MAP3K4: variants seen among roughly 807,000 people sequenced by gnomAD.
MAP3K4 encodes the protein mitogen-activated protein kinase kinase kinase 4, also known as MAP three kinase 1.
A neutral mutation model predicts 185.6 loss-of-function variants in MAP3K4; 67 were observed. The ratio of observed to expected loss-of-function variants is 0.36; its 90% CI spans 0.30 to 0.44. MAP3K4 has a LOEUF of 0.44. Ranked by LOEUF, MAP3K4 falls within the 20% of genes least tolerant of loss-of-function variation. The probability of loss-of-function intolerance (pLI) is 1.00; values close to 1 mark genes in which losing one functional copy is unlikely to be tolerated. For synonymous variants in MAP3K4, 702 were observed against 710.4 expected (o/e 0.99, Z 0.19); for missense variants, 1,551 against 1,995.1 (o/e 0.78, Z 4.24).
At chr6:161,092,230 C>A in intron 13 of MAP3K4, 87 bp downstream of exon 13, 1 of 1,433,928 alleles carries the variant, frequency 7.0e-7, no homozygotes, top group South Asian at 1.3e-5. Flanking sequence ...TCTTTTTGAG[C>A]AGACGACACA....
chr6:161,005,189 G>A (rs1275226445), intron 1 of MAP3K4, among the ~76,000 whole-genome samples: 1 of 150,858 alleles, frequency 6.6e-6, no homozygotes, highest in Non-Finnish European at 1.5e-5. Flanking sequence ...TCCAGGCTGG[G>A]GTGCGGTGGT....
chr6:161,039,264 G>A (rs1239448603), intron 2 of MAP3K4, among the ~76,000 whole-genome samples: 3 of 89,384 alleles, frequency 3.4e-5, no homozygotes, highest in African/African-American at 1.4e-4. Flanking sequence ...CCCTAGCCCC[G>A]AACCCGCAAA....
At chr6:161,035,143 T>C (rs1227392939) in intron 2 of MAP3K4, among the ~76,000 whole-genome samples, 1 of 152,154 alleles carries the variant, frequency 6.6e-6, no homozygotes, top group Non-Finnish European at 1.5e-5. Context: ...GTACCCTACG[T>C]GATGGCCTGG....
At position 161,112,026 on chromosome 6, in the gene MAP3K4, C is replaced by T; in HGVS notation, c.4519+68C>T. ...AGCCTGCTTGGGGCCTGCATGTTCC[C>T]TTCACCTTTGTTTGTCAGTAGAGAT... On this transcript the variant is annotated intron_variant, in intron 24 of 26. Coordinates refer to ENST00000392142, the MANE Select transcript of MAP3K4 (RefSeq NM_005922.4). This position sits in a 1 kb window ranked among gnomAD's most constrained non-coding sequence, Gnocchi z 5.1. 1.3e-6 allele frequency: 2 copies of T among 1,579,780 alleles called. No homozygotes were observed. The highest frequency in any genetic ancestry group is 2.4e-5 in the South Asian group (2 of 85,038).
intron 1 of MAP3K4, among the ~76,000 whole-genome samples, chr6:161,005,584 G>A (rs1250120240): frequency 6.6e-6 from 1 of 152,052 alleles, no homozygotes; most frequent in Non-Finnish European, 1.5e-5. Flanking sequence ...AAGCTGATGT[G>A]ATTATTGAAA....
At position 161,098,244 on chromosome 6, in the gene MAP3K4, A is replaced by G. The variant is rs1252255670; in HGVS notation, c.3525-34A>G. ...ATTTTCAAGTCCGTTCCCTCTTCTCACATGTGTTCCTGAAGCTTTTCTTCT... is the reference window on the plus strand; with the variant it reads ...ATTTTCAAGTCCGTTCCCTCTTCTCGCATGTGTTCCTGAAGCTTTTCTTCT... On this transcript the variant is annotated intron_variant, in intron 16 of 26. Coordinates refer to ENST00000392142, the MANE Select transcript of MAP3K4 (RefSeq NM_005922.4). The surrounding 1 kb of genome is among the most constrained non-coding windows in gnomAD (Gnocchi z 4.4). 2 of 1,589,060 alleles carry G rather than the reference A, an allele frequency of 1.3e-6. No individual in the cohort carries two copies. The highest frequency in any genetic ancestry group is 1.7e-5 in the Admixed American group (1 of 57,960).
Position 161,092,971 on chromosome 6 carries a change from G to A in MAP3K4, c.3270-7G>A, listed in dbSNP as rs748113824. On this transcript the variant is annotated splice_region_variant and splice_polypyrimidine_tract_variant and intron_variant, in intron 13 of 26. Coordinates refer to ENST00000392142, the MANE Select transcript of MAP3K4 (RefSeq NM_005922.4). ...TTATGTGATTACTGAACTTTTTCGT[G>A]TACCAGGTGGGCGACTCAAGGATTT... is the stretch of plus-strand genomic sequence containing the variant. 5 of 1,604,858 alleles carry A rather than the reference G, an allele frequency of 3.1e-6. No individual in the cohort carries two copies. Among genetic ancestry groups the A allele is most frequent in the South Asian group, 1.1e-5 (1 of 90,716 alleles).
Position 161,096,194 on chromosome 6 carries a change from T to C in MAP3K4, c.3428-886T>C, listed in dbSNP as rs1777563265. Among the ~76,000 whole-genome samples the C allele has an allele frequency of 6.6e-6, 1 of 152,198 alleles. No homozygotes were observed. The stretch of plus-strand genomic sequence containing the variant: ...GAACTTCAGATCTCTCCATTTTTAC[T>C]ACTTCTGTCTCTCTTGTTTCCCCTT... On this transcript the variant is annotated intron_variant, in intron 15 of 26. Transcript: ENST00000392142. The surrounding 1 kb of genome is among the most constrained non-coding windows in gnomAD (Gnocchi z 4.9).
intron 19 of MAP3K4, among the ~76,000 whole-genome samples, chr6:161,105,409 A>G (rs76210940): frequency 0.037 from 5,593 of 152,290 alleles, 169 homozygotes; most frequent in Non-Finnish European, 0.051. Flanking sequence ...TCTTTATTTT[A>G]CAGATTAGGT....
chr6:161,020,962 C>T (rs568695851), intron 1 of MAP3K4, among the ~76,000 whole-genome samples: 2 of 152,292 alleles, frequency 1.3e-5, no homozygotes, highest in East Asian at 1.9e-4. Context: ...TTACCAATTA[C>T]GTTCTCCTTA....
At chr6:161,102,046 A>C (rs1020900053) in intron 18 of MAP3K4, 54 bp downstream of exon 18, 4 of 1,415,758 alleles carry the variant, frequency 2.8e-6, no homozygotes, top group African/African-American at 2.8e-5. Context: ...CATTTGTCTC[A>C]GTTCACCAGT....
chr6:161,064,488 G>T lies in MAP3K4; in HGVS notation c.1708-6120G>T, dbSNP rs949629868. 5.3e-5 allele frequency among the ~76,000 whole-genome samples: 8 copies of T among 151,698 alleles called. No homozygotes were observed. Among genetic ancestry groups the T allele is most frequent in the South Asian group, 2.1e-4 (1 of 4,806 alleles). On this transcript the variant is annotated intron_variant, in intron 3 of 26. Transcript: ENST00000392142. The surrounding 1 kb of genome is among the most constrained non-coding windows in gnomAD (Gnocchi z 4.3). ...TTTACATTAAATTCTAGATAATTGG[G>T]TATGTTTCTGTGTTCTGATCTGTTT...
In MAP3K4 at chr6:161,008,434, A is replaced by G. The variant is rs752819849; in HGVS notation, c.152+16351A>G. 4.6e-5 allele frequency among the ~76,000 whole-genome samples: 7 copies of G among 152,174 alleles called. No homozygotes were observed. The highest frequency in any genetic ancestry group is 2.0e-4 in the Admixed American group (3 of 15,282). On this transcript the variant is annotated intron_variant, in intron 1 of 26. Transcript: ENST00000392142. This position sits in a 1 kb window ranked among gnomAD's most constrained non-coding sequence, Gnocchi z 4.1. Reference sequence around the variant, plus strand: ...TATATGTAAAATTATAATCCATTTTATTCTTTACAGAATTTTACATACCGA... The same window carrying G: ...TATATGTAAAATTATAATCCATTTTGTTCTTTACAGAATTTTACATACCGA...
At chr6:161,004,708 CAAT>C (rs1252508385) in intron 1 of MAP3K4, among the ~76,000 whole-genome samples, 2 of 152,116 alleles carry the variant, frequency 1.3e-5, no homozygotes, top group Admixed American at 1.3e-4. Context: ...ACCCAAGTGA[CAAT>C]AAATATTTTG....
At chr6:161,065,711 G>T (rs977042926) in intron 3 of MAP3K4, among the ~76,000 whole-genome samples, 3 of 152,120 alleles carry the variant, frequency 2.0e-5, no homozygotes, top group Non-Finnish European at 2.9e-5. Context: ...GGCCAAGGCG[G>T]GTGGATCATG....
rs560764723 is a variant in MAP3K4 at position 161,061,037 on chromosome 6, A to G, written c.1708-9571A>G. On this transcript the variant is annotated intron_variant, in intron 3 of 26. Transcript: ENST00000392142. The surrounding 1 kb of genome is among the most constrained non-coding windows in gnomAD (Gnocchi z 4.2). ...ATTGCAGCAGAAATTGTGGCTGGTCATTGTTTTACTGTTTAGTGGGCAGAT... is the reference window on the plus strand; with the variant it reads ...ATTGCAGCAGAAATTGTGGCTGGTCGTTGTTTTACTGTTTAGTGGGCAGAT... Among the ~76,000 whole-genome samples, 14 of 152,326 alleles carry G rather than the reference A, an allele frequency of 9.2e-5. No homozygotes were observed. Among genetic ancestry groups the G allele is most frequent in the African/African-American group, 3.1e-4 (13 of 41,576 alleles).
At chr6:161,069,264 A>G (rs897410620) in intron 3 of MAP3K4, among the ~76,000 whole-genome samples, 1 of 152,194 alleles carries the variant, frequency 6.6e-6, no homozygotes, top group African/African-American at 2.4e-5. Context: ...CGTCTCTATC[A>G]TGAAAGTCAA....
rs768280408 is a variant in MAP3K4, at chr6:161,112,643, C to G, written c.4520-25C>G. 13 of 1,468,952 alleles carry G rather than the reference C, an allele frequency of 8.8e-6. No individual in the cohort carries two copies. Among genetic ancestry groups the G allele is most frequent in the Non-Finnish European group, 1.1e-5 (12 of 1,092,806 alleles). 91.0% of individuals were successfully genotyped at this position (1,468,952 alleles called of 1,614,324 possible). ...GTTGATGTGTTTATAACCCATTACT[C>G]TCAACATATCTGTGACTTTTAAAGC... On this transcript the variant is annotated intron_variant, in intron 24 of 26. Coordinates refer to ENST00000392142, the MANE Select transcript of MAP3K4 (RefSeq NM_005922.4). This position sits in a 1 kb window ranked among gnomAD's most constrained non-coding sequence, Gnocchi z 5.1.
At position 161,093,482 on chromosome 6, in the gene MAP3K4, T is replaced by C. The variant is rs1777418808; in HGVS notation, c.3349-291T>C. On this transcript the variant is annotated intron_variant, in intron 14 of 26. Transcript: ENST00000392142. The surrounding 1 kb of genome is among the most constrained non-coding windows in gnomAD (Gnocchi z 5.2). ...ATTGCTCAAAGTGTGAATTCATTTA[T>C]TTTATTCTCCCAGTAGTAGAGACGA... 6.6e-6 allele frequency among the ~76,000 whole-genome samples: 1 copy of C among 152,228 alleles called. No individual in the cohort carries two copies. Among genetic ancestry groups the C allele is most frequent in the Admixed American group, 6.5e-5 (1 of 15,290 alleles).
Sources: allele counts gnomAD v4.1 joint callset (sites outside exome capture counted in the v4.1 genomes callset), GRCh38; gene constraint gnomAD v4.1.1; non-coding constraint Gnocchi (gnomAD v3.1); transcripts MANE v1.5; gene names NCBI Gene and HGNC (gene_info 2026-07-23, HGNC 2026-07-21).